CENPW: variants seen among roughly 807,000 people sequenced by gnomAD.
CENPW encodes cancer-up-regulated gene 2 protein.
A neutral mutation model predicts 11.1 loss-of-function variants in CENPW; 3 were observed. The observed-to-expected ratio is 0.27, with a 90% CI of 0.12 to 0.70. The LOEUF is 0.70. Ranked by LOEUF, CENPW falls within the 30% of genes least tolerant of loss-of-function variation. CENPW has a pLI of 0.77. For missense variants in CENPW, 100 were observed against 105.6 expected (o/e 0.95, Z 0.23); for synonymous variants, 38 against 42.0 (o/e 0.91, Z 0.37).
the CENPW span, among the ~76,000 whole-genome samples, chr6:126,396,395 T>G: frequency 5.3e-5 from 8 of 152,262 alleles, no homozygotes; most frequent in South Asian, 1.7e-3. Flanking sequence ...TTAAGTACTC[T>G]TCAGTCAACT....
the CENPW span, among the ~76,000 whole-genome samples, chr6:126,441,118 G>T: frequency 6.6e-6 from 1 of 151,414 alleles, no homozygotes; most frequent in African/African-American, 2.4e-5. Flanking sequence ...GCAGGTGGAA[G>T]TGAGCAGTAG....
chr6:126,468,043 G>C, the CENPW span, among the ~76,000 whole-genome samples: 1 of 152,080 alleles, frequency 6.6e-6, no homozygotes. Flanking sequence ...AAAATGTCCA[G>C]GTTATCAAAA....
At chr6:126,368,949 T>C in the CENPW span, among the ~76,000 whole-genome samples, 1 of 152,030 alleles carries the variant, frequency 6.6e-6, no homozygotes, top group African/African-American at 2.4e-5. Flanking sequence ...CCTCCCACCC[T>C]TTCCCTCAAG....
intron 1 of CENPW, among the ~76,000 whole-genome samples, chr6:126,340,758 A>G (rs1266482091): frequency 2.0e-5 from 3 of 152,192 alleles, no homozygotes; most frequent in African/African-American, 7.2e-5. Context: ...ATCACCCTTT[A>G]AAAAATAGAT....
At chr6:126,352,837 C>G (rs1780507351), downstream of CENPW, among the ~76,000 whole-genome samples, 1 of 152,022 alleles carries the variant, frequency 6.6e-6, no homozygotes, top group Admixed American at 6.6e-5. Context: ...GACCCAGCAC[C>G]TTTTTCTTTC....
chr6:126,469,186 G>A, the CENPW span, among the ~76,000 whole-genome samples: 1 of 152,156 alleles, frequency 6.6e-6, no homozygotes, highest in African/African-American at 2.4e-5. Context: ...CATGAGAAAG[G>A]AGAGACCTGG....
chr6:126,474,144 T>A, the CENPW span, among the ~76,000 whole-genome samples: 1 of 151,462 alleles, frequency 6.6e-6, no homozygotes, highest in Non-Finnish European at 1.5e-5. Flanking sequence ...TATCTTTTCA[T>A]ATATGAAAAG....
chr6:126,478,609 A>C, the CENPW span, among the ~76,000 whole-genome samples: 1 of 151,994 alleles, frequency 6.6e-6, no homozygotes, highest in Non-Finnish European at 1.5e-5. Flanking sequence ...ATATTTGCTT[A>C]AACTGGCTGC....
chr6:126,349,244 A>G (rs934245718), downstream of CENPW, among the ~76,000 whole-genome samples: 1 of 152,156 alleles, frequency 6.6e-6, no homozygotes, highest in Non-Finnish European at 1.5e-5. Flanking sequence ...CATGTACAGT[A>G]CACCCAGTTC....
At chr6:126,365,679 A>G in the CENPW span, among the ~76,000 whole-genome samples, 1 of 152,212 alleles carries the variant, frequency 6.6e-6, no homozygotes, top group Admixed American at 6.5e-5. Context: ...TAGTATAAAG[A>G]AAATATTGTT....
At chr6:126,467,173 C>T in the CENPW span, among the ~76,000 whole-genome samples, 1 of 152,048 alleles carries the variant, frequency 6.6e-6, no homozygotes, top group Non-Finnish European at 1.5e-5. Flanking sequence ...ATAAAGGAGC[C>T]CAAATAGCCA....
At chr6:126,420,909 A>T in the CENPW span, among the ~76,000 whole-genome samples, 1 of 152,116 alleles carries the variant, frequency 6.6e-6, no homozygotes, top group African/African-American at 2.4e-5. Flanking sequence ...TATTTTGGAA[A>T]ATAGGAAAAT....
chr6:126,347,165 A>G (rs1338841), intron 2 of CENPW, among the ~76,000 whole-genome samples: 67 of 152,280 alleles, frequency 4.4e-4, no homozygotes, highest in African/African-American at 1.6e-3. Context: ...GATTAGTCAC[A>G]GTATTATTGT....
chr6:126,454,451 C>T, the CENPW span, among the ~76,000 whole-genome samples: 14 of 151,310 alleles, frequency 9.3e-5, no homozygotes, highest in Non-Finnish European at 1.9e-4. Context: ...GTAAATCGAA[C>T]AATCTGCTTC....
At chr6:126,395,856 T>C in the CENPW span, among the ~76,000 whole-genome samples, 1 of 152,198 alleles carries the variant, frequency 6.6e-6, no homozygotes, top group East Asian at 1.9e-4. Context: ...GCAAAGACTC[T>C]TGTTTTCTTC....
chr6:126,341,647 A>G, intron 1 of CENPW, among the ~76,000 whole-genome samples: 1 of 152,192 alleles, frequency 6.6e-6, no homozygotes, highest in African/African-American at 2.4e-5. Flanking sequence ...TAACTATCCC[A>G]TGCTGGTGAT....
the CENPW span, among the ~76,000 whole-genome samples, chr6:126,412,534 T>G: frequency 6.6e-6 from 1 of 152,154 alleles, no homozygotes; most frequent in African/African-American, 2.4e-5. Flanking sequence ...ATGTATCACT[T>G]GTATTTATCC....
chr6:126,450,990 C>T, the CENPW span, among the ~76,000 whole-genome samples: 1 of 150,114 alleles, frequency 6.7e-6, no homozygotes, highest in Non-Finnish European at 1.5e-5. Context: ...TCTATGTAAC[C>T]CAGAAGAAAA....
chr6:126,411,640 G>A, the CENPW span, among the ~76,000 whole-genome samples: 217 of 152,178 alleles, frequency 1.4e-3, 3 homozygotes, highest in South Asian at 0.011. Flanking sequence ...TGACCAGGTT[G>A]TAGCTGTGAC....
Sources: gnomAD v4.1 joint callset for allele counts (sites outside exome capture counted in the v4.1 genomes callset) on GRCh38, gnomAD v4.1.1 for gene constraint, MANE v1.5 for transcripts, NCBI Gene and HGNC (gene_info 2026-07-23, HGNC 2026-07-21) for gene names.